Variants in SNTG2 observed in about 807,000 individuals in gnomAD.
The protein encoded by SNTG2 is syntrophin gamma 2.
A neutral mutation model predicts 70.9 loss-of-function variants in SNTG2; 74 were observed. The observed-to-expected ratio is 1.04, with a 90% CI of 0.86 to 1.27. The LOEUF (loss-of-function observed/expected upper bound fraction) is 1.27, where lower values mean the gene tolerates loss of function less well. SNTG2 is among the 50% of genes most tolerant of loss of function. The probability of loss-of-function intolerance (pLI) is 0.00; values close to 1 mark genes in which losing one functional copy is unlikely to be tolerated. For synonymous variants in SNTG2, 278 were observed against 273.8 expected, an observed-to-expected ratio of 1.02 and a Z score of -0.15; for missense variants, 717 against 690.7, an observed-to-expected ratio of 1.04 and a Z score of -0.43.
At chr2:991,136 T>C (rs1369042241) in intron 1 of SNTG2, among the ~76,000 whole-genome samples, 1 of 152,134 alleles carries the variant, frequency 6.6e-6, no homozygotes, top group Non-Finnish European at 1.5e-5. Flanking sequence ...CTGCTGGTAA[T>C]GAGATGATTT....
At chr2:997,607 A>G (rs1364912260) in intron 1 of SNTG2, among the ~76,000 whole-genome samples, 1 of 152,112 alleles carries the variant, frequency 6.6e-6, no homozygotes, top group Non-Finnish European at 1.5e-5. Flanking sequence ...CAGAGACAGA[A>G]CTAGATTGAG....
intron 14 of SNTG2, among the ~76,000 whole-genome samples, chr2:1,304,152 C>A (rs1418318259): frequency 1.3e-5 from 2 of 152,206 alleles, no homozygotes; most frequent in African/African-American, 4.8e-5. Flanking sequence ...AGAAAATAAA[C>A]TACAGACCAA....
intron 6 of SNTG2, among the ~76,000 whole-genome samples, chr2:1,138,323 C>T (rs910331872): frequency 6.6e-6 from 1 of 152,206 alleles, no homozygotes; most frequent in African/African-American, 2.4e-5. Flanking sequence ...AGGATGCATT[C>T]GGTGCAGGAT....
At chr2:1,223,870 G>A (rs191840530) in intron 9 of SNTG2, among the ~76,000 whole-genome samples, 4 of 148,968 alleles carry the variant, frequency 2.7e-5, no homozygotes, top group Admixed American at 2.6e-4. Context: ...GCCTTACGCA[G>A]CACACAGATG....
intron 4 of SNTG2, among the ~76,000 whole-genome samples, chr2:1,112,356 C>T (rs866736050): frequency 6.6e-6 from 1 of 151,320 alleles, no homozygotes; most frequent in Non-Finnish European, 1.5e-5. Context: ...TGAGAAGAAT[C>T]GTGTGTACTA....
At chr2:1,074,661 A>T (rs532951437) in intron 1 of SNTG2, among the ~76,000 whole-genome samples, 1 of 152,348 alleles carries the variant, frequency 6.6e-6, no homozygotes, top group Non-Finnish European at 1.5e-5. Flanking sequence ...ATCTGACATT[A>T]AACACACCTC....
intron 8 of SNTG2, among the ~76,000 whole-genome samples, chr2:1,191,919 A>G (rs1672619289): frequency 1.3e-5 from 2 of 152,016 alleles, no homozygotes; most frequent in African/African-American, 4.8e-5. Context: ...ATTTATGTAT[A>G]TATAAAATAC....
intron 1 of SNTG2, among the ~76,000 whole-genome samples, chr2:1,010,727 T>C (rs1659706840): frequency 6.6e-6 from 1 of 152,226 alleles, no homozygotes; most frequent in Non-Finnish European, 1.5e-5. Flanking sequence ...CGCAGGGCTC[T>C]TCACCTTTGT....
At chr2:1,192,133 A>G (rs1022948367) in intron 8 of SNTG2, among the ~76,000 whole-genome samples, 10 of 152,200 alleles carry the variant, frequency 6.6e-5, no homozygotes, top group Admixed American at 6.5e-4. Context: ...GAGAAGATAG[A>G]AGGACTGGGC....
chr2:1,146,013 T>C (rs557104290), intron 6 of SNTG2, among the ~76,000 whole-genome samples: 49 of 152,280 alleles, frequency 3.2e-4, no homozygotes, highest in South Asian at 6.2e-4. Context: ...ATTTATGATA[T>C]AAACTCTCAG....
chr2:993,384 G>A (rs952035105), intron 1 of SNTG2, among the ~76,000 whole-genome samples: 1 of 151,928 alleles, frequency 6.6e-6, no homozygotes, highest in African/African-American at 2.4e-5. Context: ...TTCCATTGTA[G>A]CACATTTTGT....
At chr2:1,262,667 A>AGTCCAGACGAGGCAACCGGAAGGCTCC (rs1204153967) in intron 13 of SNTG2, among the ~76,000 whole-genome samples, 17 of 131,672 alleles carry the variant, frequency 1.3e-4, no homozygotes, top group East Asian at 2.2e-4. Flanking sequence ...CGGAAGGCTC[A>AGTCCAGACGAGGCAACCGGAAGGCTCC]GTCCAGACGA....
chr2:1,200,168 A>G (rs796270869), intron 8 of SNTG2, among the ~76,000 whole-genome samples: 5 of 152,176 alleles, frequency 3.3e-5, no homozygotes, highest in African/African-American at 1.2e-4. Flanking sequence ...ATAAAAACAG[A>G]CACAGAGACC....
At chr2:1,363,133 C>CCCA (rs1661292403) in intron 16 of SNTG2, among the ~76,000 whole-genome samples, 1 of 149,586 alleles carries the variant, frequency 6.7e-6, no homozygotes, top group Admixed American at 6.7e-5. Flanking sequence ...AAATGGACCC[C>CCCA]CCCCATGAAA....
At chr2:980,144 AG>A (rs1234684507) in intron 1 of SNTG2, among the ~76,000 whole-genome samples, 1 of 152,144 alleles carries the variant, frequency 6.6e-6, no homozygotes, top group Non-Finnish European at 1.5e-5. Flanking sequence ...TCCTCCTTAT[AG>A]TTAATTCTTC....
At chr2:973,473 G>A (rs1180029852) in intron 1 of SNTG2, among the ~76,000 whole-genome samples, 6 of 151,660 alleles carry the variant, frequency 4.0e-5, no homozygotes, top group East Asian at 1.9e-4. Flanking sequence ...AGGGACGGGC[G>A]TATTAACCTG....
intron 9 of SNTG2, among the ~76,000 whole-genome samples, chr2:1,226,902 GTGTT>G (rs1675826117): frequency 6.6e-6 from 1 of 152,196 alleles, no homozygotes; most frequent in African/African-American, 2.4e-5. Flanking sequence ...CTCTTAAAAT[GTGTT>G]TGTTTTTTCA....
intron 12 of SNTG2, 132 bp downstream of exon 12, chr2:1,247,575 T>A: frequency 1.6e-6 from 1 of 632,384 alleles, no homozygotes. Context: ...TGTTTCTGCA[T>A]GGTTGGAAAG....
chr2:1,231,650 C>A (rs544390693), intron 9 of SNTG2, among the ~76,000 whole-genome samples: 21 of 152,152 alleles, frequency 1.4e-4, no homozygotes, highest in Non-Finnish European at 2.8e-4. Flanking sequence ...TTCCTTCTTA[C>A]AGCCCAGTGG....
Sources: gnomAD v4.1 joint callset for allele counts (sites outside exome capture counted in the v4.1 genomes callset) on GRCh38, gnomAD v4.1.1 for gene constraint, MANE v1.5 for transcripts, NCBI Gene and HGNC (gene_info 2026-07-23, HGNC 2026-07-21) for gene names.